CNOT2: variants seen among roughly 807,000 people sequenced by gnomAD.
CNOT2 encodes CC chemokine receptor 4-negative regulator of transcription 2.
CNOT2 carries 7 observed loss-of-function variants against 72.1 expected under a neutral mutation model. That is an observed-to-expected ratio of 0.10 (90% confidence interval 0.06 to 0.18). The LOEUF is 0.18. Among genes scored for constraint, CNOT2 ranks in the 10% least tolerant of loss-of-function variants. The pLI is 1.00. For synonymous variants in CNOT2, 196 were observed against 225.6 expected (o/e 0.87, Z 1.17); for missense variants, 345 against 660.3 (o/e 0.52, Z 5.23).
At chr12:70,299,375 C>A (rs962464875) in intron 2 of CNOT2, among the ~76,000 whole-genome samples, 2 of 105,488 alleles carry the variant, frequency 1.9e-5, no homozygotes, top group Admixed American at 9.7e-5. Context: ...CCTCCCCCCT[C>A]CCCCCACCCC....
chr12:70,279,952 G>A (rs1555191773), intron 2 of CNOT2, among the ~76,000 whole-genome samples: 1 of 152,036 alleles, frequency 6.6e-6, no homozygotes, highest in Non-Finnish European at 1.5e-5. Context: ...TTGGTTATGG[G>A]TTTGCTGCCT....
At chr12:70,276,758 T>C (rs958069356) in intron 1 of CNOT2, among the ~76,000 whole-genome samples, 1 of 152,022 alleles carries the variant, frequency 6.6e-6, no homozygotes, top group Non-Finnish European at 1.5e-5. Flanking sequence ...AAGGTATTTA[T>C]AAATTTGGTA....
At chr12:70,262,398 G>A (rs773878666) in intron 1 of CNOT2, among the ~76,000 whole-genome samples, 3 of 150,530 alleles carry the variant, frequency 2.0e-5, no homozygotes, top group Non-Finnish European at 3.0e-5. Context: ...CTCAGCCTCC[G>A]AAGTAGCTGG....
intron 2 of CNOT2, chr12:70,307,910 A>G (rs1040916107): frequency 1.6e-4 from 24 of 152,128 alleles, no homozygotes; most frequent in African/African-American, 5.3e-4. Flanking sequence ...AAAAAAAAAA[A>G]AAAGCCAAAT....
chr12:70,282,141 G>A (rs1391421948), intron 2 of CNOT2, among the ~76,000 whole-genome samples: 5 of 152,144 alleles, frequency 3.3e-5, no homozygotes, highest in African/African-American at 1.2e-4. Flanking sequence ...AGTGAAAGAA[G>A]GGAAAGGAAG....
chr12:70,324,591 A>G (rs1878790486), intron 4 of CNOT2, among the ~76,000 whole-genome samples: 1 of 147,146 alleles, frequency 6.8e-6, no homozygotes, highest in Admixed American at 6.7e-5. Context: ...GGAAGTGTAG[A>G]GTGTACTTGG....
At chr12:70,263,021 T>A (rs1958854280) in intron 1 of CNOT2, among the ~76,000 whole-genome samples, 1 of 152,206 alleles carries the variant, frequency 6.6e-6, no homozygotes, top group South Asian at 2.1e-4. Context: ...AAATTCTTTA[T>A]TGACAGTTTT....
At chr12:70,302,054 T>A (rs1239104528) in intron 2 of CNOT2, among the ~76,000 whole-genome samples, 1 of 152,210 alleles carries the variant, frequency 6.6e-6, no homozygotes, top group Non-Finnish European at 1.5e-5. Flanking sequence ...TTCTGTGGGA[T>A]CAGTGGTGAT....
chr12:70,351,435 T>G (rs986734355), intron 15 of CNOT2, among the ~76,000 whole-genome samples: 5 of 152,216 alleles, frequency 3.3e-5, no homozygotes, highest in African/African-American at 9.6e-5. Context: ...TAAAAGTACG[T>G]GGAAAACAAG....
intron 11 of CNOT2, among the ~76,000 whole-genome samples, chr12:70,341,603 T>C (rs2136065845): frequency 6.6e-6 from 1 of 152,304 alleles, no homozygotes; most frequent in South Asian, 2.1e-4. Context: ...ATGTTGTCAG[T>C]GATCTTGTTT....
At chr12:70,294,955 T>A (rs759330462) in intron 2 of CNOT2, among the ~76,000 whole-genome samples, 13 of 150,904 alleles carry the variant, frequency 8.6e-5, no homozygotes, top group South Asian at 2.1e-4. Flanking sequence ...TGTGTGTGTG[T>A]GAGAGAGAGA....
intron 2 of CNOT2, among the ~76,000 whole-genome samples, chr12:70,308,555 T>TTCTCTC (rs3049213): frequency 6.3e-4 from 85 of 134,324 alleles, no homozygotes; most frequent in African/African-American, 2.2e-3. Context: ...TTGGTATATT[T>TTCTCTC]TCTCTCTCTC....
intron 2 of CNOT2, among the ~76,000 whole-genome samples, chr12:70,289,942 T>G (rs971963210): frequency 6.6e-6 from 1 of 152,146 alleles, no homozygotes; most frequent in East Asian, 1.9e-4. Flanking sequence ...CTATATAATG[T>G]TTGTATTTCT....
At chr12:70,330,250 T>C in intron 5 of CNOT2, 37 bp from the exon 6 acceptor site, 2 of 1,021,994 alleles carry the variant, frequency 2.0e-6, no homozygotes, top group Non-Finnish European at 3.0e-6. Context: ...TGAGTGATTG[T>C]AGAGAGCTTA....
chr12:70,320,332 A>C (rs1245292393), intron 4 of CNOT2, among the ~76,000 whole-genome samples: 1 of 151,770 alleles, frequency 6.6e-6, no homozygotes, highest in Non-Finnish European at 1.5e-5. Flanking sequence ...TTGTCATAAC[A>C]CTTTACCTTC....
In CNOT2 at chr12:70,346,300, T is replaced by C; in HGVS notation, c.1512T>C (p.Cys504=). The C allele has an allele frequency of 6.2e-7, 1 of 1,612,832 alleles. No homozygotes were observed. The highest frequency in any genetic ancestry group is 8.5e-7 in the Non-Finnish European group (1 of 1,178,918). Residue 504 remains cysteine, a synonymous_variant, in exon 15 of 16, where the codon TGT becomes TGC. Coordinates refer to ENST00000229195, the MANE Select transcript of CNOT2 (RefSeq NM_014515.7). ...YERGTYYFFD[C]LNWRKVAKEF... is the part of the protein sequence containing the mutation. The stretch of plus-strand genomic sequence containing the variant: ...GGGGAACATATTACTTCTTTGACTG[T>C]CTTAACTGGAGGAAAGTAGCTAAGG...
At chr12:70,245,402 G>A (rs2135677178) in intron 1 of CNOT2, among the ~76,000 whole-genome samples, 1 of 152,250 alleles carries the variant, frequency 6.6e-6, no homozygotes, top group African/African-American at 2.4e-5. Context: ...GTATTTTAGA[G>A]AGGAAGTGAG....
intron 1 of CNOT2, among the ~76,000 whole-genome samples, chr12:70,267,975 GCCCTTTACAAAGTATTTACTATCTGA>G (rs1246965433): frequency 8.5e-5 from 13 of 152,154 alleles, no homozygotes; most frequent in Admixed American, 2.6e-4. Flanking sequence ...TTTCTATCTG[GCCCTTTACAAAGTATTTACTATCTGA>G]CCCTTTACGA....
chr12:70,268,889 A>G (rs1327429787), intron 1 of CNOT2, among the ~76,000 whole-genome samples: 1 of 152,218 alleles, frequency 6.6e-6, no homozygotes, highest in Non-Finnish European at 1.5e-5. Context: ...CATGTCCGGT[A>G]TGCAAAAAGG....
Sources: gnomAD v4.1 joint callset for allele counts (sites outside exome capture counted in the v4.1 genomes callset) on GRCh38, gnomAD v4.1.1 for gene constraint, MANE v1.5 for transcripts, NCBI Gene and HGNC (gene_info 2026-07-23, HGNC 2026-07-21) for gene names.